Variants in ADAMTS2 observed in about 807,000 individuals in gnomAD.
ADAMTS2 encodes A disintegrin and metalloproteinase with thrombospondin motifs 2.
In ADAMTS2, 50 loss-of-function variants were observed where a neutral mutation model predicts 123.0. The observed-to-expected ratio is 0.41, with a 90% CI of 0.32 to 0.51. ADAMTS2 has a LOEUF of 0.51. Among genes scored for constraint, ADAMTS2 ranks in the 20% least tolerant of loss-of-function variants. The pLI is 0.35. For synonymous variants in ADAMTS2, 678 were observed against 695.4 expected (o/e 0.98, Z 0.39); for missense variants, 1,494 against 1,705.2 (o/e 0.88, Z 2.18).
intron 4 of ADAMTS2, among the ~76,000 whole-genome samples, chr5:179,190,607 C>T (rs1764282457): frequency 6.6e-6 from 1 of 152,194 alleles, no homozygotes; most frequent in Admixed American, 6.5e-5. Flanking sequence ...CCAGGCCAGA[C>T]TGATTTAGGT....
At position 179,158,067 on chromosome 5, in the gene ADAMTS2, C is replaced by A. The variant is rs1306156643; in HGVS notation, c.1132+656G>T. Among the ~76,000 whole-genome samples, 1 of 151,980 alleles carries A rather than the reference C, an allele frequency of 6.6e-6. No individual in the cohort carries two copies. Among genetic ancestry groups the A allele is most frequent in the Non-Finnish European group, 1.5e-5 (1 of 67,982 alleles). ...GCAAACTCCGCCTCCCGGGTTCACA[C>A]CATTCTCCTGCCTCAGCCTCCCGGG... is the stretch of plus-strand genomic sequence containing the variant. On this transcript the variant is annotated intron_variant, in intron 6 of 21. Coordinates refer to ENST00000251582, the MANE Select transcript of ADAMTS2 (RefSeq NM_014244.5). The surrounding 1 kb of genome is among the most constrained non-coding windows in gnomAD (Gnocchi z 5.0).
chr5:179,251,828 G>A (rs1173189618), intron 3 of ADAMTS2, among the ~76,000 whole-genome samples: 1 of 152,026 alleles, frequency 6.6e-6, no homozygotes, highest in Non-Finnish European at 1.5e-5. Context: ...GACGTGCACA[G>A]GCCAAATTCA....
intron 3 of ADAMTS2, among the ~76,000 whole-genome samples, chr5:179,235,942 C>T (rs989718911): frequency 6.6e-6 from 1 of 152,222 alleles, no homozygotes. Flanking sequence ...CACTCATGTC[C>T]ACCTAGCCTG....
At chr5:179,156,779 G>T (rs1327824629) in intron 6 of ADAMTS2, among the ~76,000 whole-genome samples, 1 of 152,048 alleles carries the variant, frequency 6.6e-6, no homozygotes, top group African/African-American at 2.4e-5. Context: ...AACATTCTGG[G>T]AATACTACTT....
At chr5:179,195,855 C>A (rs2113348172) in intron 4 of ADAMTS2, among the ~76,000 whole-genome samples, 1 of 152,362 alleles carries the variant, frequency 6.6e-6, no homozygotes, top group Admixed American at 6.5e-5. Flanking sequence ...GCACCACTAG[C>A]AGACCCTGAA....
chr5:179,302,078 G>A (rs905624343), intron 2 of ADAMTS2, among the ~76,000 whole-genome samples: 9 of 152,192 alleles, frequency 5.9e-5, no homozygotes, highest in African/African-American at 9.7e-5. Flanking sequence ...TCTGGCCAGC[G>A]TCAGGAAGGG....
intron 3 of ADAMTS2, among the ~76,000 whole-genome samples, chr5:179,249,435 C>T (rs2113465927): frequency 6.6e-6 from 1 of 151,958 alleles, no homozygotes; most frequent in Non-Finnish European, 1.5e-5. Flanking sequence ...AATTGAAAAA[C>T]AATAAGAAGA....
rs550745076 is a variant in ADAMTS2, at chr5:179,132,612, C to G, written c.2209+165G>C. Among the ~76,000 whole-genome samples, 1 of 148,412 alleles carries G rather than the reference C, an allele frequency of 6.7e-6. No individual in the cohort carries two copies. The highest frequency in any genetic ancestry group is 2.1e-4 in the East Asian group (1 of 4,726). On this transcript the variant is annotated intron_variant, in intron 14 of 21. Coordinates refer to ENST00000251582, the MANE Select transcript of ADAMTS2 (RefSeq NM_014244.5). The surrounding 1 kb of genome is among the most constrained non-coding windows in gnomAD (Gnocchi z 6.1). ...CACCCTGGCACCCAGCTGGGGCTGTCCCCGACTTAGGATTCTCCCTCCCCC... is the reference window on the plus strand; with the variant it reads ...CACCCTGGCACCCAGCTGGGGCTGTGCCCGACTTAGGATTCTCCCTCCCCC...
intron 1 of ADAMTS2, among the ~76,000 whole-genome samples, chr5:179,344,831 TCCGGAGCGTCC>T (rs1474115654): frequency 6.6e-6 from 1 of 152,020 alleles, no homozygotes; most frequent in Non-Finnish European, 1.5e-5. Context: ...AGCCGGCTCC[TCCGGAGCGTCC>T]CCGGACGCGA....
At chr5:179,281,386 A>G (rs1401335297) in intron 2 of ADAMTS2, among the ~76,000 whole-genome samples, 1 of 152,172 alleles carries the variant, frequency 6.6e-6, no homozygotes, top group Non-Finnish European at 1.5e-5. Context: ...ACTAATCTAC[A>G]TTCTGTCTCT....
chr5:179,123,635 C>T (rs765977079), intron 19 of ADAMTS2, among the ~76,000 whole-genome samples: 15 of 152,222 alleles, frequency 9.9e-5, no homozygotes, highest in Non-Finnish European at 2.2e-4. Context: ...TGCCATGCCG[C>T]CCAGGCTGGT....
Position 179,314,394 on chromosome 5 carries a change from C to T in ADAMTS2, c.534+29373G>A, listed in dbSNP as rs1042432357. ...TGAGCGCAGAGGAGAGTGCAGGGAG[C>T]GGCAAGGCCAGGCTCCTCCCCACCC... On this transcript the variant is annotated intron_variant, in intron 2 of 21. Coordinates refer to ENST00000251582, the MANE Select transcript of ADAMTS2 (RefSeq NM_014244.5). The surrounding 1 kb of genome is among the most constrained non-coding windows in gnomAD (Gnocchi z 4.5). Among the ~76,000 whole-genome samples the T allele has an allele frequency of 7.2e-5, 11 of 152,162 alleles. No homozygotes were observed. Among genetic ancestry groups the T allele is most frequent in the East Asian group, 3.9e-4 (2 of 5,182 alleles).
At chr5:179,257,175 T>C (rs577476543) in intron 3 of ADAMTS2, among the ~76,000 whole-genome samples, 1 of 152,294 alleles carries the variant, frequency 6.6e-6, no homozygotes, top group African/African-American at 2.4e-5. Context: ...TCCTTCCCAG[T>C]TCAAGGCCTC....
chr5:179,258,626 G>A (rs1766131580), intron 3 of ADAMTS2, among the ~76,000 whole-genome samples: 1 of 152,194 alleles, frequency 6.6e-6, no homozygotes, highest in Non-Finnish European at 1.5e-5. Flanking sequence ...ATCTGCAGCT[G>A]GACTCAAATA....
chr5:179,284,009 G>T (rs1347086267), intron 2 of ADAMTS2, among the ~76,000 whole-genome samples: 1 of 149,318 alleles, frequency 6.7e-6, no homozygotes, highest in African/African-American at 2.5e-5. Flanking sequence ...TCCAGCCTGG[G>T]AGACAGAGAG....
chr5:179,284,056 C>A (rs1473068962), intron 2 of ADAMTS2, among the ~76,000 whole-genome samples: 1 of 151,178 alleles, frequency 6.6e-6, no homozygotes, highest in Non-Finnish European at 1.5e-5. Context: ...TCCAACCGGG[C>A]GCAGTGGCTC....
At chr5:179,184,686 C>T (rs1764130143) in intron 4 of ADAMTS2, among the ~76,000 whole-genome samples, 1 of 152,094 alleles carries the variant, frequency 6.6e-6, no homozygotes, top group South Asian at 2.1e-4. Flanking sequence ...TTGTGCAGCC[C>T]ACCACACCCT....
At chr5:179,274,986 C>T (rs559084891) in intron 2 of ADAMTS2, among the ~76,000 whole-genome samples, 3 of 152,196 alleles carry the variant, frequency 2.0e-5, no homozygotes, top group Admixed American at 6.5e-5. Flanking sequence ...TGGGGGAAAC[C>T]GCACATGCCA....
Position 179,234,747 on chromosome 5 carries a change from C to T in ADAMTS2, c.689-27032G>A, listed in dbSNP as rs1473929721. 6.6e-6 allele frequency among the ~76,000 whole-genome samples: 1 copy of T among 152,160 alleles called. No homozygotes were observed. Among genetic ancestry groups the T allele is most frequent in the Non-Finnish European group, 1.5e-5 (1 of 68,020 alleles). ...ATCTCCCCGTCCATGATGAGCTCAG[C>T]CCCTCCCTCTACCTGGATGCAGCAG... On this transcript the variant is annotated intron_variant, in intron 3 of 21. Coordinates refer to ENST00000251582, the MANE Select transcript of ADAMTS2 (RefSeq NM_014244.5). This position sits in a 1 kb window ranked among gnomAD's most constrained non-coding sequence, Gnocchi z 4.7.
Sources: gnomAD v4.1 joint callset for allele counts (sites outside exome capture counted in the v4.1 genomes callset) on GRCh38, gnomAD v4.1.1 for gene constraint, Gnocchi (gnomAD v3.1) non-coding constraint, MANE v1.5 for transcripts, NCBI Gene and HGNC (gene_info 2026-07-23, HGNC 2026-07-21) for gene names.